PTPRT: variants seen among roughly 807,000 people sequenced by gnomAD.
PTPRT encodes the protein protein tyrosine phosphatase receptor type T.
PTPRT carries 56 observed loss-of-function variants against 176.8 expected under a neutral mutation model. The ratio of observed to expected loss-of-function variants is 0.32; its 90% confidence interval spans 0.26 to 0.40. The LOEUF is 0.40. Among genes scored for constraint, PTPRT ranks in the 10% least tolerant of loss-of-function variants. The pLI, the probability that PTPRT is intolerant of heterozygous loss-of-function variation, is 1.00. For missense variants in PTPRT, 1,540 were observed against 1,908.2 expected, an observed-to-expected ratio of 0.81 and a Z score of 3.60; for synonymous variants, 783 against 739.0, an observed-to-expected ratio of 1.06 and a Z score of -0.96.
At chr20:42,321,357 G>C (rs979147021) in intron 11 of PTPRT, among the ~76,000 whole-genome samples, 1 of 152,112 alleles carries the variant, frequency 6.6e-6, no homozygotes, top group Non-Finnish European at 1.5e-5. Flanking sequence ...CCTAGCATCA[G>C]TACTTTTTAG....
At chr20:43,135,576 T>C (rs1344862020) in intron 1 of PTPRT, among the ~76,000 whole-genome samples, 1 of 152,186 alleles carries the variant, frequency 6.6e-6, no homozygotes, top group Non-Finnish European at 1.5e-5. Flanking sequence ...TTACCTCCTA[T>C]TCAATGTAGA....
chr20:42,277,042 C>T (rs1052660884), intron 13 of PTPRT, among the ~76,000 whole-genome samples: 2 of 152,140 alleles, frequency 1.3e-5, no homozygotes, highest in African/African-American at 4.8e-5. Flanking sequence ...GGCATATTTA[C>T]AAAAGCCAGC....
intron 5 of PTPRT, among the ~76,000 whole-genome samples, chr20:42,762,064 GA>G (rs2076923003): frequency 6.6e-6 from 1 of 152,232 alleles, no homozygotes; most frequent in Non-Finnish European, 1.5e-5. Flanking sequence ...TGCTGTGATA[GA>G]AGCCCAGATG....
chr20:42,257,579 C>T (rs1484150223), intron 13 of PTPRT, among the ~76,000 whole-genome samples: 1 of 149,240 alleles, frequency 6.7e-6, no homozygotes, highest in Non-Finnish European at 1.5e-5. Flanking sequence ...TTGGTACTGT[C>T]CTCATGACAG....
chr20:42,340,378 C>T (rs956230812), intron 11 of PTPRT, among the ~76,000 whole-genome samples: 2 of 152,142 alleles, frequency 1.3e-5, no homozygotes, highest in East Asian at 3.9e-4. Flanking sequence ...CACTAAATAG[C>T]AAACCCTAAG....
chr20:43,161,626 T>G (rs2014701392), intron 1 of PTPRT, among the ~76,000 whole-genome samples: 5 of 152,094 alleles, frequency 3.3e-5, no homozygotes. Flanking sequence ...AAGCAGAGCT[T>G]CAAACTTCCT....
the PTPRT span, among the ~76,000 whole-genome samples, chr20:42,032,199 G>C: frequency 6.6e-6 from 1 of 152,226 alleles, no homozygotes; most frequent in African/African-American, 2.4e-5. Context: ...GGGCTCAAAA[G>C]AGAAAGGGAT....
At chr20:43,014,106 G>C (rs939908413) in intron 1 of PTPRT, among the ~76,000 whole-genome samples, 1 of 152,086 alleles carries the variant, frequency 6.6e-6, no homozygotes, top group African/African-American at 2.4e-5. Flanking sequence ...TTAAAACATA[G>C]TGCCATATTG....
chr20:42,822,017 T>A (rs1196682185), intron 2 of PTPRT, among the ~76,000 whole-genome samples: 7 of 152,192 alleles, frequency 4.6e-5, no homozygotes, highest in African/African-American at 1.4e-4. Context: ...ACTGCTCCCA[T>A]CAAACTACCA....
intron 2 of PTPRT, among the ~76,000 whole-genome samples, chr20:42,813,208 A>G (rs1479452218): frequency 6.6e-6 from 1 of 152,018 alleles, no homozygotes; most frequent in Non-Finnish European, 1.5e-5. Context: ...CATGCTGTCC[A>G]TTTATTCCAT....
intron 1 of PTPRT, among the ~76,000 whole-genome samples, chr20:43,139,054 C>G (rs2013922289): frequency 6.6e-6 from 1 of 152,206 alleles, no homozygotes; most frequent in African/African-American, 2.4e-5. Flanking sequence ...TGAAGACGCC[C>G]CATGTAACTG....
rs188088522 is a variant in PTPRT at position 42,156,690 on chromosome 20, C to T, written c.2682+4662G>A. Among the ~76,000 whole-genome samples, 96 of 152,352 alleles carry T rather than the reference C, an allele frequency of 6.3e-4. 1 individual carries two copies. The highest frequency in any genetic ancestry group is 2.2e-3 in the African/African-American group (91 of 41,584). On this transcript the variant is annotated intron_variant, in intron 17 of 30. Transcript: ENST00000373187. ...TCCATCCTACCAGTGGCACAAACAA[C>T]AGCCTTGGAGTTACCCTTAATTCCT... is the stretch of plus-strand genomic sequence containing the variant.
chr20:42,928,222 G>C (rs2145967141), intron 1 of PTPRT, among the ~76,000 whole-genome samples: 1 of 152,336 alleles, frequency 6.6e-6, no homozygotes, highest in South Asian at 2.1e-4. Flanking sequence ...CAATGTAGTG[G>C]AACACAAATG....
chr20:42,917,864 G>A (rs555236928), intron 1 of PTPRT, among the ~76,000 whole-genome samples: 2 of 152,260 alleles, frequency 1.3e-5, no homozygotes, highest in Admixed American at 6.5e-5. Context: ...AGGAACTTCC[G>A]CTGCTGACAC....
intron 1 of PTPRT, among the ~76,000 whole-genome samples, chr20:42,993,532 ATATG>A (rs374793472): frequency 1.1e-5 from 1 of 90,666 alleles, no homozygotes; most frequent in East Asian, 2.3e-4. Flanking sequence ...ATATACACAT[ATATG>A]TGTGTGTATA....
At chr20:43,179,977 G>A (rs1357795958) in intron 1 of PTPRT, among the ~76,000 whole-genome samples, 1 of 152,166 alleles carries the variant, frequency 6.6e-6, no homozygotes, top group East Asian at 1.9e-4. Context: ...ATTTCTGGGT[G>A]TGTGTGTGAG....
chr20:42,480,309 T>G (rs535868823), intron 7 of PTPRT, among the ~76,000 whole-genome samples: 1 of 152,180 alleles, frequency 6.6e-6, no homozygotes, highest in Non-Finnish European at 1.5e-5. Context: ...CTAAATACAG[T>G]TGCACTCCCT....
chr20:43,026,733 C>T (rs77124072), intron 1 of PTPRT, among the ~76,000 whole-genome samples: 4 of 152,200 alleles, frequency 2.6e-5, no homozygotes, highest in African/African-American at 4.8e-5. Context: ...CCCTTCCACA[C>T]CCTCACTTCC....
chr20:43,109,585 C>T (rs1366035012), intron 1 of PTPRT, among the ~76,000 whole-genome samples: 16 of 152,026 alleles, frequency 1.1e-4, no homozygotes, highest in Non-Finnish European at 2.2e-4. Flanking sequence ...TGGTGACGAA[C>T]AAGTCAGACA....
Sources: allele counts gnomAD v4.1 joint callset (sites outside exome capture counted in the v4.1 genomes callset), GRCh38; gene constraint gnomAD v4.1.1; transcripts MANE v1.5; gene names NCBI Gene and HGNC (gene_info 2026-07-23, HGNC 2026-07-21).